HIVEP2: variants seen among roughly 807,000 people sequenced by gnomAD.
HIVEP2 encodes the protein transcription factor HIVEP2.
Under a neutral mutation model 180.7 loss-of-function variants are expected in HIVEP2, and 14 were observed. The observed-to-expected ratio is 0.08, with a 90% CI of 0.05 to 0.12. HIVEP2 has a LOEUF of 0.12. HIVEP2 is among the 10% of genes least tolerant of loss of function. The pLI is 1.00. For synonymous variants in HIVEP2, 1,184 were observed against 1,136.4 expected (o/e 1.04, Z -0.84); for missense variants, 2,579 against 3,008.5 (o/e 0.86, Z 3.34).
intron 3 of HIVEP2, among the ~76,000 whole-genome samples, chr6:142,778,930 T>C (rs1453771867): frequency 6.6e-6 from 1 of 152,222 alleles, no homozygotes; most frequent in East Asian, 1.9e-4. Context: ...GAGCTCTGCA[T>C]GTTTGTAGTA....
intron 1 of HIVEP2, among the ~76,000 whole-genome samples, chr6:142,886,405 A>G (rs992228944): frequency 3.3e-5 from 5 of 152,208 alleles, no homozygotes; most frequent in African/African-American, 1.2e-4. Flanking sequence ...AAACATATGC[A>G]TAGCTACCCT....
intron 1 of HIVEP2, among the ~76,000 whole-genome samples, chr6:142,872,882 T>C (rs182139181): frequency 4.6e-4 from 70 of 152,324 alleles, no homozygotes; most frequent in Non-Finnish European, 8.7e-4. Context: ...ATTATCCCAA[T>C]GGTTAGCACC....
chr6:142,806,219 C>A (rs1249934564), intron 2 of HIVEP2, among the ~76,000 whole-genome samples: 1 of 152,124 alleles, frequency 6.6e-6, no homozygotes, highest in African/African-American at 2.4e-5. Context: ...TCTCAAGTAG[C>A]TTACAATCTC....
chr6:142,803,336 A>T (rs906549694), intron 2 of HIVEP2, among the ~76,000 whole-genome samples: 88 of 152,108 alleles, frequency 5.8e-4, no homozygotes, highest in African/African-American at 2.0e-3. Flanking sequence ...ATTTTTTCTG[A>T]CTATATTTTA....
intron 3 of HIVEP2, among the ~76,000 whole-genome samples, chr6:142,778,230 G>A (rs775097627): frequency 2.6e-4 from 39 of 152,232 alleles, no homozygotes; most frequent in Non-Finnish European, 5.0e-4. Context: ...AGGCAAAAAC[G>A]AAACACAAAT....
chr6:142,781,463 A>G (rs1259959178), intron 3 of HIVEP2, among the ~76,000 whole-genome samples: 1 of 152,166 alleles, frequency 6.6e-6, no homozygotes, highest in Admixed American at 6.5e-5. Flanking sequence ...AAGATAATTT[A>G]CTGGAGAATA....
intron 2 of HIVEP2, among the ~76,000 whole-genome samples, chr6:142,815,241 T>C (rs1562247133): frequency 6.6e-6 from 1 of 152,136 alleles, no homozygotes; most frequent in East Asian, 1.9e-4. Flanking sequence ...ACATTCAAAC[T>C]ACAGCAAAGC....
intron 2 of HIVEP2, among the ~76,000 whole-genome samples, chr6:142,792,611 C>T (rs939317750): frequency 2.6e-5 from 4 of 152,050 alleles, no homozygotes; most frequent in African/African-American, 7.2e-5. Context: ...CCTAAGCATG[C>T]GGGGCTTAAA....
intron 1 of HIVEP2, among the ~76,000 whole-genome samples, chr6:142,882,123 C>T (rs1310225006): frequency 6.6e-6 from 1 of 152,158 alleles, no homozygotes; most frequent in Non-Finnish European, 1.5e-5. Context: ...GTGAGCAGAG[C>T]TTATCCTTAA....
chr6:142,833,686 A>G (rs1234651843), intron 2 of HIVEP2, among the ~76,000 whole-genome samples: 1 of 152,242 alleles, frequency 6.6e-6, no homozygotes, highest in Non-Finnish European at 1.5e-5. Context: ...AATTGTGAAT[A>G]AGAAAAAATA....
chr6:142,866,866 C>T (rs1017492395), intron 1 of HIVEP2, among the ~76,000 whole-genome samples: 4 of 151,104 alleles, frequency 2.6e-5, no homozygotes, highest in Non-Finnish European at 5.9e-5. Context: ...ATACAATTTC[C>T]CTTTGCCATT....
At chr6:142,811,172 G>A (rs1012628128) in intron 2 of HIVEP2, among the ~76,000 whole-genome samples, 1 of 149,700 alleles carries the variant, frequency 6.7e-6, no homozygotes, top group South Asian at 2.2e-4. Context: ...CTGTTTTCAT[G>A]AGGCACGTGC....
Position 142,753,042 on chromosome 6 carries a change from T to C in HIVEP2, c.*65A>G, listed in dbSNP as rs1405012582. 27 of 995,898 alleles carry C rather than the reference T, an allele frequency of 2.7e-5. No individual in the cohort carries two copies. The highest frequency in any genetic ancestry group is 4.0e-5 in the Non-Finnish European group (25 of 628,354). 61.7% of individuals were successfully genotyped at this position (995,898 alleles called of 1,614,324 possible). A position where few individuals can be genotyped will look rare whatever the true frequency, so the allele number is the denominator to read the frequency against. On this transcript the variant is annotated 3_prime_UTR_variant, in exon 10 of 10. Coordinates refer to ENST00000367603, the MANE Select transcript of HIVEP2 (RefSeq NM_006734.4). Reference sequence around the variant, plus strand: ...CATGCTATAAACTGGATTACCTCCATTTCTAGAAAAACAAAAACAAAAAAA... The same window carrying C: ...CATGCTATAAACTGGATTACCTCCACTTCTAGAAAAACAAAAACAAAAAAA...
At chr6:142,939,707 C>G (rs1778131375) in intron 1 of HIVEP2, among the ~76,000 whole-genome samples, 1 of 152,184 alleles carries the variant, frequency 6.6e-6, no homozygotes, top group Non-Finnish European at 1.5e-5. Flanking sequence ...ATAAAGTTTA[C>G]TATAAGCCAT....
intron 1 of HIVEP2, among the ~76,000 whole-genome samples, chr6:142,863,591 T>G (rs1213338604): frequency 6.6e-6 from 1 of 152,108 alleles, no homozygotes; most frequent in Non-Finnish European, 1.5e-5. Context: ...TTTAATTGAG[T>G]TCTCAGAAAG....
At position 142,772,761 on chromosome 6, in the gene HIVEP2, C is replaced by A. The variant is rs1348244331; in HGVS notation, c.1978G>T (p.Asp660Tyr). Reference protein sequence around the residue: ...DSETPKQNYRDISCLSSLKHG... With the variant: ...DSETPKQNYRYISCLSSLKHG... Reference sequence around the variant, plus strand: ...TTTAAAGAACTCAAGCAGGAAATGTCCCTGTAGTTTTGCTTTGGTGTTTCA... The same window carrying A: ...TTTAAAGAACTCAAGCAGGAAATGTACCTGTAGTTTTGCTTTGGTGTTTCA... The change falls in exon 5 of 10, where the codon GAC (aspartate) becomes TAC (tyrosine). Residue 660 changes from aspartate to tyrosine, a missense_variant. Physicochemically the swap from Asp to Tyr is radical, Grantham distance 160 (BLOSUM62 -3). Transcript: ENST00000367603. The surrounding 1 kb of genome is among the most constrained non-coding windows in gnomAD (Gnocchi z 4.9). The A allele has an allele frequency of 1.2e-6, 2 of 1,614,088 alleles. No homozygotes were observed. Among genetic ancestry groups the A allele is most frequent in the Non-Finnish European group, 8.5e-7 (1 of 1,180,052 alleles).
At chr6:142,838,979 T>C (rs908702868) in intron 1 of HIVEP2, among the ~76,000 whole-genome samples, 9 of 152,104 alleles carry the variant, frequency 5.9e-5, no homozygotes, top group Non-Finnish European at 4.4e-5. Flanking sequence ...TTCAATCTAC[T>C]TAGGAATTTT....
chr6:142,754,187 G>T (rs748924284), intron 9 of HIVEP2, among the ~76,000 whole-genome samples: 1 of 151,880 alleles, frequency 6.6e-6, no homozygotes, highest in Non-Finnish European at 1.5e-5. Flanking sequence ...AAGCAGTCAG[G>T]GTGTTTTCCA....
rs1157981045 is a variant in HIVEP2 at position 142,847,828 on chromosome 6, TA to T, written c.-640-10782del. On this transcript the variant is annotated intron_variant, in intron 1 of 9. Coordinates refer to ENST00000367603, the MANE Select transcript of HIVEP2 (RefSeq NM_006734.4). ...AAATCTACATGAAGTCTACTAATAT[TA>T]AAAAAAAGCTAAGTGGAATTTTTAT... 2.0e-5 allele frequency among the ~76,000 whole-genome samples: 3 copies of T among 152,120 alleles called. No individual in the cohort carries two copies. In the East Asian group the frequency reaches 5.8e-4, roughly 29 times the overall value.
Sources: gnomAD v4.1 joint callset for allele counts (sites outside exome capture counted in the v4.1 genomes callset) on GRCh38, gnomAD v4.1.1 for gene constraint, Gnocchi (gnomAD v3.1) non-coding constraint, MANE v1.5 for transcripts, NCBI Gene and HGNC (gene_info 2026-07-23, HGNC 2026-07-21) for gene names.